The following XRCC5 variants were observed in gnomAD, a reference collection of about 807,000 sequenced individuals.
XRCC5 encodes the protein DNA repair protein Ku80.
Under a neutral mutation model 95.7 loss-of-function variants are expected in XRCC5, and 12 were observed. The ratio of observed to expected loss-of-function variants is 0.13; its 90% CI spans 0.08 to 0.20. The LOEUF is 0.20. Among genes scored for constraint, XRCC5 ranks in the 10% least tolerant of loss-of-function variants. XRCC5 has a pLI of 1.00. For missense variants in XRCC5, 595 were observed against 873.9 expected, an observed-to-expected ratio of 0.68 and a Z score of 4.02; for synonymous variants, 281 against 290.3, an observed-to-expected ratio of 0.97 and a Z score of 0.33.
At position 216,119,197 on chromosome 2, in the gene XRCC5, A is replaced by T. The variant is rs547149219; in HGVS notation, c.491+32A>T. 2.6e-5 allele frequency: 42 copies of T among 1,612,172 alleles called. No individual in the cohort carries two copies. In the East Asian group the frequency reaches 9.4e-4, roughly 36 times the overall value. The stretch of plus-strand genomic sequence containing the variant: ...TCCTAAGAATAATGCATGTAGACAA[A>T]TCCTATGATTTCCTAATATAGTGAA... On this transcript the variant is annotated intron_variant, in intron 5 of 20. Coordinates refer to ENST00000392132, the MANE Select transcript of XRCC5 (RefSeq NM_021141.4).
At position 216,150,779 on chromosome 2, in the gene XRCC5, C is replaced by G. The variant is rs561954609; in HGVS notation, c.1670+2503C>G. Among the ~76,000 whole-genome samples the G allele has an allele frequency of 4.6e-5, 7 of 152,160 alleles. No individual in the cohort carries two copies. In the South Asian group the frequency reaches 1.2e-3, roughly 27 times the overall value. On this transcript the variant is annotated intron_variant, in intron 14 of 20. Coordinates refer to ENST00000392132, the MANE Select transcript of XRCC5 (RefSeq NM_021141.4). ...TGGTGTGTGCCTATAGTCCCAGCTA[C>G]TTGTGAGGCTGAGACAGGAGAATCT...
intron 14 of XRCC5, among the ~76,000 whole-genome samples, chr2:216,151,630 T>C (rs1470914354): frequency 2.6e-5 from 4 of 152,182 alleles, no homozygotes; most frequent in African/African-American, 9.7e-5. Flanking sequence ...ATATCTGTCT[T>C]ATAGAGTTGT....
At chr2:216,134,616 A>T (rs207879) in intron 10 of XRCC5, among the ~76,000 whole-genome samples, 122,477 of 150,532 alleles carry the variant, frequency 0.81, 49,907 homozygotes, top group East Asian at 0.88. Context: ...TTTGTAGAGA[A>T]GGGGGTTTCA....
At chr2:216,172,038 C>CA (rs1303958386) in intron 16 of XRCC5, among the ~76,000 whole-genome samples, 27 of 152,312 alleles carry the variant, frequency 1.8e-4, no homozygotes, top group African/African-American at 6.5e-4. Context: ...GGAGTGCACA[C>CA]AGGTGGTGGG....
At chr2:216,192,299 TG>T (rs1689628176) in intron 17 of XRCC5, among the ~76,000 whole-genome samples, 1 of 152,192 alleles carries the variant, frequency 6.6e-6, no homozygotes, top group Non-Finnish European at 1.5e-5. Flanking sequence ...CGGCCTGAGT[TG>T]ATAATTATTG....
intron 14 of XRCC5, 79 bp from the exon 15 acceptor site, chr2:216,159,989 T>C: frequency 1.6e-6 from 1 of 640,234 alleles, no homozygotes; most frequent in Non-Finnish European, 2.5e-6. Context: ...TTTTTTTTGG[T>C]GCTTGGAAAA....
intron 1 of XRCC5, among the ~76,000 whole-genome samples, chr2:216,112,635 T>C (rs1380994221): frequency 1.3e-5 from 2 of 152,228 alleles, no homozygotes; most frequent in South Asian, 2.1e-4. Context: ...TCTGTTCTCA[T>C]GTTTGTAGGT....
chr2:216,120,974 G>T (rs1696796333), intron 5 of XRCC5, among the ~76,000 whole-genome samples: 1 of 152,152 alleles, frequency 6.6e-6, no homozygotes, highest in African/African-American at 2.4e-5. Flanking sequence ...GACCTCAAGT[G>T]ATCCACCTGC....
intron 1 of XRCC5, among the ~76,000 whole-genome samples, chr2:216,111,827 T>G (rs1389686655): frequency 3.3e-5 from 5 of 152,186 alleles, no homozygotes; most frequent in Admixed American, 6.5e-5. Flanking sequence ...CCTTTTAGTA[T>G]TATTAACAGT....
intron 16 of XRCC5, among the ~76,000 whole-genome samples, chr2:216,170,549 C>A (rs564051659): frequency 6.6e-6 from 1 of 152,220 alleles, no homozygotes; most frequent in African/African-American, 2.4e-5. Context: ...CTCACTGTCA[C>A]AAGAACAGCA....
intron 16 of XRCC5, among the ~76,000 whole-genome samples, chr2:216,167,570 T>TTGTGTG (rs58499938): frequency 0.014 from 1,931 of 138,436 alleles, 38 homozygotes; most frequent in East Asian, 0.073. Flanking sequence ...GTGTGTGGGT[T>TTGTGTG]TGTGTGTGTG....
chr2:216,132,180 G>A, intron 9 of XRCC5, 145 bp from the exon 10 acceptor site: 1 of 695,336 alleles, frequency 1.4e-6, no homozygotes. Context: ...GTGTTGTATT[G>A]AATTAAACTT....
chr2:216,129,647 T>G (rs771313294), intron 8 of XRCC5, among the ~76,000 whole-genome samples: 3 of 152,210 alleles, frequency 2.0e-5, no homozygotes, highest in Non-Finnish European at 4.4e-5. Context: ...TGTCACTAGC[T>G]TTTTAAAAAA....
intron 14 of XRCC5, 57 bp from the exon 15 acceptor site, chr2:216,160,011 A>G (rs757160452): frequency 3.9e-5 from 33 of 855,948 alleles, no homozygotes; most frequent in South Asian, 6.6e-5. Context: ...AAGTTTCACA[A>G]TAGCAATCTG....
intron 16 of XRCC5, among the ~76,000 whole-genome samples, chr2:216,173,998 G>A (rs1323886118): frequency 1.3e-5 from 2 of 152,156 alleles, no homozygotes; most frequent in Non-Finnish European, 2.9e-5. Flanking sequence ...TAGTTTTCTT[G>A]TTTTGTGTGA....
intron 16 of XRCC5, among the ~76,000 whole-genome samples, chr2:216,174,412 A>G (rs372142261): frequency 2.0e-5 from 3 of 152,202 alleles, no homozygotes; most frequent in African/African-American, 7.2e-5. Flanking sequence ...TATACAAAAT[A>G]GTAATTAACA....
At chr2:216,141,341 A>G in intron 13 of XRCC5, 22 bp downstream of exon 13, 2 of 1,613,536 alleles carry the variant, frequency 1.2e-6, no homozygotes, top group Non-Finnish European at 1.7e-6. Context: ...AGGATGAACA[A>G]GTCATATTTC....
At chr2:216,141,422 T>C in intron 13 of XRCC5, 103 bp downstream of exon 13, 4 of 1,224,604 alleles carry the variant, frequency 3.3e-6, no homozygotes, top group Admixed American at 4.6e-5. Flanking sequence ...CTTTTTTCTC[T>C]GAAGGCCCCA....
chr2:216,175,946 A>T (rs1267834429), intron 16 of XRCC5: 3 of 354,252 alleles, frequency 8.5e-6, no homozygotes, highest in African/African-American at 6.7e-5. Context: ...ATTCCTTTGG[A>T]TCATGGCCTT....
Sources: allele counts gnomAD v4.1 joint callset (sites outside exome capture counted in the v4.1 genomes callset), GRCh38; gene constraint gnomAD v4.1.1; transcripts MANE v1.5; gene names NCBI Gene and HGNC (gene_info 2026-07-23, HGNC 2026-07-21).